Variants in B3GALT1 observed in about 807,000 individuals in gnomAD.
B3GALT1 encodes the protein UDP-Gal:betaGlcNAc beta 1,3-galactosyltransferase, polypeptide 1.
A neutral mutation model predicts 23.2 loss-of-function variants in B3GALT1; 10 were observed. The ratio of observed to expected loss-of-function variants is 0.43; its 90% confidence interval spans 0.27 to 0.73. B3GALT1 has a LOEUF of 0.73. Ranked by LOEUF, B3GALT1 falls within the 30% of genes least tolerant of loss-of-function variation. B3GALT1 has a pLI of 0.21. For missense variants in B3GALT1, 299 were observed against 405.4 expected, an observed-to-expected ratio of 0.74 and a Z score of 2.25; for synonymous variants, 156 against 141.5, an observed-to-expected ratio of 1.10 and a Z score of -0.73.
At chr2:167,430,341 C>T (rs1043550769) in intron 1 of B3GALT1, among the ~76,000 whole-genome samples, 1 of 152,178 alleles carries the variant, frequency 6.6e-6, no homozygotes. Flanking sequence ...CCAGTAGGAC[C>T]TTGTAAACAC....
intron 1 of B3GALT1, among the ~76,000 whole-genome samples, chr2:167,442,148 C>A (rs190331772): frequency 1.3e-5 from 2 of 151,296 alleles, no homozygotes; most frequent in African/African-American, 2.4e-5. Flanking sequence ...TTTGTTCTTG[C>A]GATAGTTTAC....
intron 3 of B3GALT1, among the ~76,000 whole-genome samples, chr2:167,750,839 T>A (rs571127529): frequency 1.3e-5 from 2 of 151,616 alleles, no homozygotes; most frequent in South Asian, 4.2e-4. Flanking sequence ...TTCCTGCCCA[T>A]CTGTTCCTCT....
chr2:167,384,164 A>G lies in B3GALT1; in HGVS notation c.-511+90830A>G, dbSNP rs144260534. The stretch of plus-strand genomic sequence containing the variant: ...GTGGATGAGATGTGGTGCATCTTGT[A>G]TGAGATAATGTATTAGAAGAGTTTG... On this transcript the variant is annotated intron_variant, in intron 1 of 4. Transcript: ENST00000392690. 1.4e-3 allele frequency among the ~76,000 whole-genome samples: 215 copies of G among 152,316 alleles called. 3 individuals carry two copies. The highest frequency in any genetic ancestry group is 4.7e-3 in the African/African-American group (195 of 41,574).
intron 3 of B3GALT1, among the ~76,000 whole-genome samples, chr2:167,718,354 T>C (rs909631986): frequency 6.6e-6 from 1 of 152,226 alleles, no homozygotes; most frequent in Non-Finnish European, 1.5e-5. Flanking sequence ...ATCTTTGTTC[T>C]GCAGGGCAAA....
intron 1 of B3GALT1, among the ~76,000 whole-genome samples, chr2:167,318,288 C>G (rs1335627342): frequency 1.3e-5 from 2 of 152,022 alleles, no homozygotes; most frequent in Non-Finnish European, 2.9e-5. Context: ...TCACACCACT[C>G]CAGCCTGGCC....
At chr2:167,606,012 T>G (rs1401338855) in intron 2 of B3GALT1, among the ~76,000 whole-genome samples, 1 of 152,164 alleles carries the variant, frequency 6.6e-6, no homozygotes, top group African/African-American at 2.4e-5. Flanking sequence ...AGACTGTTGG[T>G]TATATCCTCC....
At chr2:167,617,702 C>T (rs1274108078) in intron 2 of B3GALT1, among the ~76,000 whole-genome samples, 1 of 151,946 alleles carries the variant, frequency 6.6e-6, no homozygotes, top group Non-Finnish European at 1.5e-5. Flanking sequence ...AAATTTAGAA[C>T]CATAAGGAAA....
intron 1 of B3GALT1, among the ~76,000 whole-genome samples, chr2:167,410,724 G>A (rs1329747299): frequency 3.3e-5 from 5 of 151,956 alleles, no homozygotes; most frequent in African/African-American, 4.8e-5. Flanking sequence ...TATTCTGCAC[G>A]TGTATCCCAG....
At chr2:167,462,922 G>A (rs899284882) in intron 1 of B3GALT1, among the ~76,000 whole-genome samples, 5 of 152,062 alleles carry the variant, frequency 3.3e-5, no homozygotes, top group African/African-American at 1.2e-4. Context: ...ATGACAAAAA[G>A]GTAAGTGCCA....
intron 2 of B3GALT1, among the ~76,000 whole-genome samples, chr2:167,543,383 G>A (rs1683566946): frequency 6.6e-6 from 1 of 152,076 alleles, no homozygotes; most frequent in African/African-American, 2.4e-5. Context: ...TGCTTCAGTG[G>A]ATAGAATAAA....
intron 1 of B3GALT1, among the ~76,000 whole-genome samples, chr2:167,297,405 A>AAC (rs965940681): frequency 3.3e-5 from 5 of 151,936 alleles, no homozygotes; most frequent in East Asian, 3.9e-4. Flanking sequence ...TAAAAAAAAA[A>AAC]AACTAGGTTT....
At chr2:167,734,933 C>T (rs1018186604) in intron 3 of B3GALT1, among the ~76,000 whole-genome samples, 3 of 152,028 alleles carry the variant, frequency 2.0e-5, no homozygotes, top group African/African-American at 7.2e-5. Context: ...TTTCTGCCCC[C>T]TCCTCATTTT....
chr2:167,559,393 G>A (rs1006031233), intron 2 of B3GALT1, among the ~76,000 whole-genome samples: 1 of 152,192 alleles, frequency 6.6e-6, no homozygotes, highest in African/African-American at 2.4e-5. Context: ...CTAAAAAGCA[G>A]AGCGCCTCTC....
intron 1 of B3GALT1, among the ~76,000 whole-genome samples, chr2:167,481,539 C>T (rs918446827): frequency 2.0e-5 from 3 of 150,602 alleles, no homozygotes; most frequent in South Asian, 2.1e-4. Flanking sequence ...TGTTTCAACA[C>T]GGCCATGCTG....
rs569805555 is a variant in B3GALT1 at position 167,497,620 on chromosome 2, A to G, written c.-410+7343A>G. Among the ~76,000 whole-genome samples the G allele has an allele frequency of 1.2e-4, 19 of 152,246 alleles. No individual in the cohort carries two copies. In the South Asian group the frequency reaches 1.9e-3, roughly 15 times the overall value. ...CAGCCTTGAGCCATGCCCATAGCTA[A>G]AGAACCTGAGGGAGATTGGAGAAGT... On this transcript the variant is annotated intron_variant, in intron 2 of 4. Coordinates refer to ENST00000392690, the MANE Select transcript of B3GALT1 (RefSeq NM_020981.4).
intron 1 of B3GALT1, among the ~76,000 whole-genome samples, chr2:167,479,021 G>A (rs1237184143): frequency 1.3e-5 from 2 of 151,896 alleles, no homozygotes; most frequent in African/African-American, 2.4e-5. Context: ...CCTAGGTCGC[G>A]CCACTGCACT....
intron 1 of B3GALT1, among the ~76,000 whole-genome samples, chr2:167,467,382 T>C (rs540293091): frequency 6.6e-6 from 1 of 152,022 alleles, no homozygotes; most frequent in Admixed American, 6.6e-5. Flanking sequence ...CATGTTGTTA[T>C]AATAATAATA....
chr2:167,314,102 C>T (rs1001322991), intron 1 of B3GALT1, among the ~76,000 whole-genome samples: 7 of 151,908 alleles, frequency 4.6e-5, no homozygotes, highest in African/African-American at 1.2e-4. Flanking sequence ...GCTTTTGAAC[C>T]GAGCTTAGCA....
intron 3 of B3GALT1, among the ~76,000 whole-genome samples, chr2:167,805,694 T>G (rs2105345675): frequency 6.6e-6 from 1 of 152,338 alleles, no homozygotes; most frequent in African/African-American, 2.4e-5. Flanking sequence ...TATATCTCTG[T>G]TTTGGTACCA....
Sources: gnomAD v4.1 joint callset for allele counts (sites outside exome capture counted in the v4.1 genomes callset) on GRCh38, gnomAD v4.1.1 for gene constraint, MANE v1.5 for transcripts, NCBI Gene and HGNC (gene_info 2026-07-23, HGNC 2026-07-21) for gene names.